The following RBM28 variants were observed in gnomAD, a reference collection of about 807,000 sequenced individuals.
RBM28 encodes the protein RNA-binding protein 28.
RBM28 carries 78 observed loss-of-function variants against 98.3 expected under a neutral mutation model. That is an observed-to-expected ratio of 0.79 (90% CI 0.66 to 0.96). RBM28 has a LOEUF of 0.96. RBM28 is among the 40% of genes least tolerant of loss of function. The pLI is 0.00. For synonymous variants in RBM28, 306 were observed against 330.9 expected, an observed-to-expected ratio of 0.92 and a Z score of 0.82; for missense variants, 838 against 913.0, an observed-to-expected ratio of 0.92 and a Z score of 1.06.
intron 10 of RBM28, among the ~76,000 whole-genome samples, chr7:128,327,226 C>G (rs1055507547): frequency 5.9e-5 from 9 of 152,172 alleles, no homozygotes; most frequent in Non-Finnish European, 1.3e-4. Flanking sequence ...TTATGAAGTA[C>G]CTATTAGAGG....
chr7:128,317,488 G>A lies in RBM28; in HGVS notation c.1788+171C>T, dbSNP rs146191845. ...TTCTGCTGTAGAGCTATCAGACATGGGCCAGCAGATAAGAAGATGGCCTGG... is the reference window on the plus strand; with the variant it reads ...TTCTGCTGTAGAGCTATCAGACATGAGCCAGCAGATAAGAAGATGGCCTGG... On this transcript the variant is annotated intron_variant, in intron 16 of 18. Transcript: ENST00000223073. Among the ~76,000 whole-genome samples, 8 of 152,238 alleles carry A rather than the reference G, an allele frequency of 5.3e-5. No homozygotes were observed. The East Asian group carries it at 1.2e-3, about 22-fold the overall frequency.
chr7:128,321,139 C>A, intron 14 of RBM28, 127 bp downstream of exon 14: 1 of 1,329,258 alleles, frequency 7.5e-7, no homozygotes, highest in African/African-American at 1.4e-5. Flanking sequence ...GCACTACAGC[C>A]TGGGCAACAG....
In RBM28 at chr7:128,317,716, G is replaced by C; in HGVS notation, c.1731C>G (p.Phe577Leu). 6.2e-7 allele frequency: 1 copy of C among 1,605,678 alleles called. No individual in the cohort carries two copies. Among genetic ancestry groups the C allele is most frequent in the Non-Finnish European group, 8.5e-7 (1 of 1,172,432 alleles). Reference protein sequence around the residue: ...FGPLKRPIVEFSLEDRRKLKM... With the variant: ...FGPLKRPIVELSLEDRRKLKM... ...TAAGTTTTCTTCGATCTTCTAAAGA[G>C]AACTCCACTATTGGTCTCTGTCAGA... The change falls in exon 16 of 19, where the codon TTC becomes TTG. Residue 577 changes from phenylalanine (F) to leucine (L), a missense_variant. Phe to Leu is a conservative substitution (Grantham distance 22). Transcript: ENST00000223073.
At position 128,333,331 on chromosome 7, in the gene RBM28, T is replaced by C. The variant is rs759224961; in HGVS notation, c.978A>G (p.Lys326=). 1.2e-6 allele frequency: 2 copies of C among 1,604,968 alleles called. No individual in the cohort carries two copies. The highest frequency in any genetic ancestry group is 1.7e-5 in the Admixed American group (1 of 59,992). ...TCCCTTCATTCACATCAGAGGGTAA[T>C]TTCCTCTTCTTTTTGTTTGAGACTT... ...AVQVSNKKKR[K]LPSDVNEGKT... Residue 326 remains lysine, a synonymous_variant, in exon 9 of 19, where the codon AAA becomes AAG. Transcript: ENST00000223073.
At chr7:128,317,307 A>G (rs1038882944) in intron 16 of RBM28, among the ~76,000 whole-genome samples, 1 of 152,246 alleles carries the variant, frequency 6.6e-6, no homozygotes, top group African/African-American at 2.4e-5. Context: ...TCTGGAGCCA[A>G]CTAATAAAAG....
At chr7:128,329,407 CT>C (rs1351540433) in intron 10 of RBM28, among the ~76,000 whole-genome samples, 1 of 151,900 alleles carries the variant, frequency 6.6e-6, no homozygotes, top group Non-Finnish European at 1.5e-5. Flanking sequence ...CCAGGTCTTA[CT>C]TTTTTTTAGC....
intron 14 of RBM28, among the ~76,000 whole-genome samples, chr7:128,320,166 G>A (rs1372707681): frequency 2.6e-4 from 38 of 145,460 alleles, no homozygotes; most frequent in African/African-American, 9.0e-4. Flanking sequence ...GCGTTGAGCC[G>A]AGATCATGCC....
intron 11 of RBM28, among the ~76,000 whole-genome samples, chr7:128,325,490 C>T (rs1004799277): frequency 5.9e-5 from 9 of 152,198 alleles, no homozygotes; most frequent in Non-Finnish European, 1.2e-4. Context: ...ACTTCACAGA[C>T]GACCTTAATA....
At chr7:128,339,068 T>TA (rs1796664098) in intron 3 of RBM28, among the ~76,000 whole-genome samples, 159 bp downstream of exon 3, 1 of 152,246 alleles carries the variant, frequency 6.6e-6, no homozygotes, top group Admixed American at 6.5e-5. Context: ...TTAGTGCCCT[T>TA]ATTACACAGG....
rs1009895715 is a variant in RBM28 at position 128,306,755 on chromosome 7, T to G, written c.*4042A>C. 1 of 152,360 alleles carries G rather than the reference T, an allele frequency of 6.6e-6. No individual in the cohort carries two copies. The highest frequency in any genetic ancestry group is 2.1e-4 in the South Asian group (1 of 4,832). The allele number at this position is 152,360 out of a possible 1,614,324, so 9.4% of individuals were successfully genotyped here. On this transcript the variant is annotated 3_prime_UTR_variant, in exon 19 of 19. Transcript: ENST00000223073. ...TAACTCAGCAGTTCTCTTCTCAGAA[T>G]TAGTTCCCAGTCTGTGCCTTCCAAT... is the stretch of plus-strand genomic sequence containing the variant.
In RBM28 at chr7:128,304,658, G is replaced by A. The variant is rs1259999378; in HGVS notation, c.*6139C>T. 1 of 152,308 alleles carries A rather than the reference G, an allele frequency of 6.6e-6. No individual in the cohort carries two copies. Among genetic ancestry groups the A allele is most frequent in the Non-Finnish European group, 1.5e-5 (1 of 68,136 alleles). The allele number at this position is 152,308 out of a possible 1,614,324, so 9.4% of individuals were successfully genotyped here. A position where few individuals can be genotyped will look rare whatever the true frequency, so the allele number is the denominator to read the frequency against. ...GGACACTGCTGGCCTGGATAGGGCT[G>A]AGGGGCTCTGCCTCCAAGAGGTGTT... On this transcript the variant is annotated 3_prime_UTR_variant, in exon 19 of 19. Coordinates refer to ENST00000223073, the MANE Select transcript of RBM28 (RefSeq NM_018077.3).
intron 1 of RBM28, among the ~76,000 whole-genome samples, chr7:128,342,425 C>T (rs890639521): frequency 2.0e-5 from 3 of 152,190 alleles, no homozygotes; most frequent in African/African-American, 4.8e-5. Context: ...AAAGTCCTTG[C>T]AATGGTCTAT....
At chr7:128,335,754 C>T (rs2116382130) in intron 7 of RBM28, 75 bp from the exon 8 acceptor site, 5 of 1,613,178 alleles carry the variant, frequency 3.1e-6, no homozygotes, top group Non-Finnish European at 4.2e-6. Context: ...CATGTCAATT[C>T]TGCAATGATG....
chr7:128,310,312 GC>G lies in RBM28; in HGVS notation c.*484del, dbSNP rs1364695121. The G allele has an allele frequency of 4.8e-6, 1 of 208,232 alleles. No individual in the cohort carries two copies. Among genetic ancestry groups the G allele is most frequent in the African/African-American group, 2.4e-5 (1 of 42,430 alleles). The allele number at this position is 208,232 out of a possible 1,614,324, so 12.9% of individuals were successfully genotyped here. A position where few individuals can be genotyped will look rare whatever the true frequency, so the allele number is the denominator to read the frequency against. ...CTCTGCTCTCGCTTAGACAGTTCCT[GC>G]AGTGTGTAAGACTACAGAGCTGAAT... On this transcript the variant is annotated 3_prime_UTR_variant, in exon 19 of 19. Coordinates refer to ENST00000223073, the MANE Select transcript of RBM28 (RefSeq NM_018077.3).
intron 18 of RBM28, among the ~76,000 whole-genome samples, chr7:128,312,744 C>T (rs1332163836): frequency 2.0e-5 from 3 of 152,040 alleles, no homozygotes; most frequent in Non-Finnish European, 4.4e-5. Context: ...TTTAATATAT[C>T]ATTTGTGTAG....
rs1429627097 is a variant in RBM28, at chr7:128,339,308, G to A, written c.291C>T (p.Cys97=). 1.6e-5 allele frequency: 25 copies of A among 1,611,234 alleles called. No individual in the cohort carries two copies. The highest frequency in any genetic ancestry group is 1.5e-5 in the Non-Finnish European group (18 of 1,178,040). Residue 97 remains cysteine, a synonymous_variant, in exon 3 of 19, where the codon TGC becomes TGT. Transcript: ENST00000223073. ...KEKGKNENSE[C]PKKEPKAKKA... is the part of the protein sequence containing the mutation. ...TTTTAGCCTTCGGCTCCTTCTTTGGGCACTCTGAGTTTTCTAAAAAATAAG... is the reference window on the plus strand; with the variant it reads ...TTTTAGCCTTCGGCTCCTTCTTTGGACACTCTGAGTTTTCTAAAAAATAAG...
chr7:128,339,776 C>G lies in RBM28; in HGVS notation c.134G>C (p.Arg45Pro), dbSNP rs765342259. Residue 45 changes from arginine to proline, a missense_variant, in exon 2 of 19, where the codon CGA becomes CCA. Coordinates refer to ENST00000223073, the MANE Select transcript of RBM28 (RefSeq NM_018077.3). ...TGAAAAAGTGACATAGCCAAAGCCTCGACATGCCTTACTCCCTGGAATAAT... is the reference window on the plus strand; with the variant it reads ...TGAAAAAGTGACATAGCCAAAGCCTGGACATGCCTTACTCCCTGGAATAAT... ...VVTEKGSKAC[R>P]GFGYVTFSML... The G allele has an allele frequency of 1.9e-5, 30 of 1,614,004 alleles. No individual in the cohort carries two copies. Among genetic ancestry groups the G allele is most frequent in the Admixed American group, 3.3e-5 (2 of 60,006 alleles).
At position 128,335,532 on chromosome 7, in the gene RBM28, T is replaced by G; in HGVS notation, c.946+11A>C. On this transcript the variant is annotated intron_variant, in intron 8 of 18. Coordinates refer to ENST00000223073, the MANE Select transcript of RBM28 (RefSeq NM_018077.3). ...TAAAGTCTAAAGACATTTATGAAAA[T>G]CCAAACAAACCTTTATCCTCTTGCT... 1 of 1,614,156 alleles carries G rather than the reference T, an allele frequency of 6.2e-7. No individual in the cohort carries two copies. Among genetic ancestry groups the G allele is most frequent in the Non-Finnish European group, 8.5e-7 (1 of 1,180,018 alleles).
At chr7:128,316,792 C>T (rs1186210093) in intron 16 of RBM28, among the ~76,000 whole-genome samples, 1 of 152,168 alleles carries the variant, frequency 6.6e-6, no homozygotes, top group Non-Finnish European at 1.5e-5. Flanking sequence ...ATTCTATTAT[C>T]TGGGGAACAA....
Sources: gnomAD v4.1 joint callset for allele counts (sites outside exome capture counted in the v4.1 genomes callset) on GRCh38, gnomAD v4.1.1 for gene constraint, MANE v1.5 for transcripts, NCBI Gene and HGNC (gene_info 2026-07-23, HGNC 2026-07-21) for gene names.